Variants in ESR1 observed in about 807,000 individuals in gnomAD.
The protein encoded by ESR1 is estrogen receptor 1.
In ESR1, 12 loss-of-function variants were observed where a neutral mutation model predicts 52.7. That is an observed-to-expected ratio of 0.23 (90% CI 0.15 to 0.37). The LOEUF is 0.37. Among genes scored for constraint, ESR1 ranks in the 10% least tolerant of loss-of-function variants. ESR1 has a pLI of 1.00. For synonymous variants in ESR1, 305 were observed against 316.8 expected, an observed-to-expected ratio of 0.96 and a Z score of 0.39; for missense variants, 584 against 779.7, an observed-to-expected ratio of 0.75 and a Z score of 2.99.
At chr6:151,782,223 C>T (rs896360506) in intron 2 of ESR1, among the ~76,000 whole-genome samples, 2 of 152,028 alleles carry the variant, frequency 1.3e-5, no homozygotes, top group Non-Finnish European at 2.9e-5. Context: ...AAAAGGAAGA[C>T]ATTTAAGAGT....
At chr6:152,028,602 C>T (rs1347252020) in intron 5 of ESR1, among the ~76,000 whole-genome samples, 4 of 152,156 alleles carry the variant, frequency 2.6e-5, no homozygotes, top group Admixed American at 6.5e-5. Flanking sequence ...AGGGGACGGG[C>T]GCCTGCCATT....
intron 2 of ESR1, among the ~76,000 whole-genome samples, chr6:151,733,167 C>A (rs1426738478): frequency 6.6e-6 from 1 of 152,168 alleles, no homozygotes; most frequent in African/African-American, 2.4e-5. Context: ...TTCTCATACT[C>A]CCATTTTACA....
chr6:151,659,405 G>C (rs1354782034), intron 1 of ESR1, among the ~76,000 whole-genome samples: 1 of 152,152 alleles, frequency 6.6e-6, no homozygotes, highest in African/African-American at 2.4e-5. Context: ...CCACTCTTCT[G>C]GTTCCATTGT....
rs2207396 is a variant in ESR1 at position 152,061,247 on chromosome 6, G to A, written c.1369+123G>A. 209,292 of 934,618 alleles carry A rather than the reference G, an allele frequency of 0.22. 25,426 individuals are homozygous for A. Among genetic ancestry groups the A allele is most frequent in the South Asian group, 0.35 (25,602 of 73,262 alleles). 57.9% of individuals were successfully genotyped at this position (934,618 alleles called of 1,614,324 possible). ...AAATAGAAAGAAACTACTGACACAC[G>A]TTTTAAAATAACCTACCAACATTGC... On this transcript the variant is annotated intron_variant, in intron 6 of 7. Coordinates refer to ENST00000206249, the MANE Select transcript of ESR1 (RefSeq NM_000125.4). This position sits in a 1 kb window ranked among gnomAD's most constrained non-coding sequence, Gnocchi z 4.3.
At chr6:151,794,079 C>CAAAGGAGA (rs1776460494) in intron 2 of ESR1, among the ~76,000 whole-genome samples, 1 of 152,148 alleles carries the variant, frequency 6.6e-6, no homozygotes, top group Admixed American at 6.5e-5. Flanking sequence ...ATAAACTCTC[C>CAAAGGAGA]TTTGATGTCT....
At chr6:151,779,723 A>G (rs985930858) in intron 2 of ESR1, among the ~76,000 whole-genome samples, 5 of 152,074 alleles carry the variant, frequency 3.3e-5, no homozygotes, top group African/African-American at 1.2e-4. Flanking sequence ...ACACATGCAC[A>G]CGTATGTTTA....
chr6:151,781,080 G>A (rs929926077), intron 2 of ESR1, among the ~76,000 whole-genome samples: 1 of 152,134 alleles, frequency 6.6e-6, no homozygotes, highest in Non-Finnish European at 1.5e-5. Context: ...TTCATAAGTG[G>A]AAGAACCCTT....
intron 2 of ESR1, among the ~76,000 whole-genome samples, chr6:151,732,508 C>T (rs1007318780): frequency 4.1e-5 from 6 of 148,002 alleles, no homozygotes; most frequent in Admixed American, 1.3e-4. Context: ...AATAGGGTTC[C>T]TTTATGTTTG....
intron 2 of ESR1, among the ~76,000 whole-genome samples, chr6:151,855,569 A>G (rs903805638): frequency 2.0e-5 from 3 of 152,212 alleles, no homozygotes; most frequent in Non-Finnish European, 4.4e-5. Flanking sequence ...ATATGTATTG[A>G]ATGACTATTT....
intron 2 of ESR1, among the ~76,000 whole-genome samples, chr6:151,718,993 T>C (rs1562353436): frequency 6.6e-6 from 1 of 152,162 alleles, no homozygotes; most frequent in Non-Finnish European, 1.5e-5. Context: ...TCTTGGTAGT[T>C]CCTCATTCTT....
chr6:151,814,323 T>G (rs1779285705), intron 1 of ESR1: 1 of 152,228 alleles, frequency 6.6e-6, no homozygotes, highest in African/African-American at 2.4e-5. Flanking sequence ...TCCATTCTCA[T>G]ATTTTCTTGT....
chr6:152,015,556 A>G (rs2043107606), intron 5 of ESR1, among the ~76,000 whole-genome samples: 2 of 152,274 alleles, frequency 1.3e-5, no homozygotes, highest in Middle Eastern at 3.4e-3. Context: ...GAAGTCTTCC[A>G]TGATACCCAA....
At chr6:152,006,007 G>A (rs2042302025) in intron 4 of ESR1, among the ~76,000 whole-genome samples, 1 of 152,052 alleles carries the variant, frequency 6.6e-6, no homozygotes. Flanking sequence ...GTATGATATG[G>A]GATGGGGGTC....
intron 2 of ESR1, among the ~76,000 whole-genome samples, chr6:151,797,929 T>C (rs983164683): frequency 1.7e-4 from 26 of 152,232 alleles, no homozygotes; most frequent in African/African-American, 5.3e-4. Context: ...TTCAAATACC[T>C]ACATATGAGG....
chr6:152,094,335 A>C lies in ESR1; in HGVS notation c.1370-50A>C, dbSNP rs776382505. ...CCCATGAACACTCTGGGTCTCCTAG[A>C]CCTCATCCTCTTTGAGCTTCTCTCT... On this transcript the variant is annotated intron_variant, in intron 6 of 7. Transcript: ENST00000206249. This position sits in a 1 kb window ranked among gnomAD's most constrained non-coding sequence, Gnocchi z 4.6. 6.7e-6 allele frequency: 10 copies of C among 1,493,590 alleles called. No homozygotes were observed. The highest frequency in any genetic ancestry group is 1.1e-5 in the South Asian group (1 of 88,440). 92.5% of individuals were successfully genotyped at this position (1,493,590 alleles called of 1,614,324 possible). A position where few individuals can be genotyped will look rare whatever the true frequency, so the allele number is the denominator to read the frequency against.
chr6:151,746,876 A>G (rs1425379463), intron 2 of ESR1, among the ~76,000 whole-genome samples: 1 of 152,246 alleles, frequency 6.6e-6, no homozygotes, highest in East Asian at 1.9e-4. Flanking sequence ...TCACAGCACC[A>G]GATTTTTCAT....
intron 2 of ESR1, among the ~76,000 whole-genome samples, chr6:151,773,069 G>C (rs772454908): frequency 6.6e-6 from 1 of 152,140 alleles, no homozygotes; most frequent in Non-Finnish European, 1.5e-5. Flanking sequence ...GTCTTTACAG[G>C]GTTAATGGAA....
At chr6:152,108,709 G>A (rs1340019514) in intron 6 of ESR1, among the ~76,000 whole-genome samples, 1 of 152,182 alleles carries the variant, frequency 6.6e-6, no homozygotes, top group African/African-American at 2.4e-5. Flanking sequence ...GTGTGCCAAT[G>A]TAGGAATGCC....
At chr6:151,853,867 G>A (rs967358967) in intron 2 of ESR1, among the ~76,000 whole-genome samples, 1 of 152,118 alleles carries the variant, frequency 6.6e-6, no homozygotes, top group African/African-American at 2.4e-5. Context: ...TGGTTGTTAA[G>A]CTCATCAACA....
Sources: gnomAD v4.1 joint callset for allele counts (sites outside exome capture counted in the v4.1 genomes callset) on GRCh38, gnomAD v4.1.1 for gene constraint, Gnocchi (gnomAD v3.1) non-coding constraint, MANE v1.5 for transcripts, NCBI Gene and HGNC (gene_info 2026-07-23, HGNC 2026-07-21) for gene names.